FANCL: variants seen among roughly 807,000 people sequenced by gnomAD.
FANCL encodes the protein FA complementation group L.
A neutral mutation model predicts 59.4 loss-of-function variants in FANCL; 69 were observed. The ratio of observed to expected loss-of-function variants is 1.16; its 90% CI spans 0.96 to 1.42. The LOEUF (loss-of-function observed/expected upper bound fraction) is 1.42. Ranked by LOEUF, FANCL falls within the 40% of genes most tolerant of loss-of-function variation. FANCL has a pLI of 0.00. For synonymous variants in FANCL, 180 were observed against 147.1 expected (o/e 1.22, Z -1.62); for missense variants, 519 against 447.2 (o/e 1.16, Z -1.45).
chr2:58,183,912 T>G (rs535032622), intron 7 of FANCL, among the ~76,000 whole-genome samples: 10 of 152,004 alleles, frequency 6.6e-5, no homozygotes, highest in Non-Finnish European at 1.2e-4. Context: ...ACAAGGTATT[T>G]GATCTTAAGC....
chr2:58,228,415 A>G (rs909533736), intron 3 of FANCL, among the ~76,000 whole-genome samples: 3 of 152,124 alleles, frequency 2.0e-5, no homozygotes, highest in Non-Finnish European at 4.4e-5. Flanking sequence ...TCTACATTGC[A>G]TTTTCCCCTT....
intron 11 of FANCL, among the ~76,000 whole-genome samples, chr2:58,162,032 T>C (rs1685262793): frequency 6.6e-6 from 1 of 151,934 alleles, no homozygotes; most frequent in South Asian, 2.1e-4. Context: ...AGAGATTCCA[T>C]TTTTGGCTGG....
chr2:58,217,665 T>C (rs991419389), intron 5 of FANCL, among the ~76,000 whole-genome samples: 1 of 151,968 alleles, frequency 6.6e-6, no homozygotes, highest in Non-Finnish European at 1.5e-5. Context: ...AATCTGTATG[T>C]ACCCAATAAC....
intron 5 of FANCL, among the ~76,000 whole-genome samples, chr2:58,217,207 TATATATATACACACAC>T (rs1408779527): frequency 0.05 from 520 of 10,466 alleles, 3 homozygotes; most frequent in South Asian, 0.067. Context: ...TATATATATA[TATATATATACACACAC>T]ACACACACAC....
chr2:58,241,350 C>A, upstream of FANCL: 1 of 1,594,714 alleles, frequency 6.3e-7, no homozygotes, highest in East Asian at 2.2e-5. Flanking sequence ...AAGCTCTAGA[C>A]CTGCTGGGTC....
chr2:58,226,407 T>C (rs1378887057), intron 4 of FANCL, among the ~76,000 whole-genome samples: 1 of 152,176 alleles, frequency 6.6e-6, no homozygotes, highest in Non-Finnish European at 1.5e-5. Context: ...TATCTTTAAG[T>C]AGGACTACCT....
At chr2:58,185,100 T>G (rs1688276644) in intron 7 of FANCL, among the ~76,000 whole-genome samples, 1 of 152,044 alleles carries the variant, frequency 6.6e-6, no homozygotes, top group Non-Finnish European at 1.5e-5. Flanking sequence ...AGAAGCTAAG[T>G]TTAACAGGGA....
intron 5 of FANCL, among the ~76,000 whole-genome samples, chr2:58,211,473 G>T (rs1691153279): frequency 6.6e-6 from 1 of 152,148 alleles, no homozygotes; most frequent in African/African-American, 2.4e-5. Flanking sequence ...GCATGCCCTG[G>T]AGACATTTTC....
intron 4 of FANCL, among the ~76,000 whole-genome samples, 155 bp from the exon 5 acceptor site, chr2:58,222,197 A>G (rs1456420717): frequency 6.6e-6 from 1 of 152,100 alleles, no homozygotes; most frequent in Non-Finnish European, 1.5e-5. Flanking sequence ...CCTGCTCATG[A>G]AAAAGAGACA....
Position 58,229,891 on chromosome 2 carries a change from A to G in FANCL, c.156-17T>C. The G allele has an allele frequency of 1.3e-6, 2 of 1,572,950 alleles. No homozygotes were observed. The highest frequency in any genetic ancestry group is 1.8e-6 in the Non-Finnish European group (2 of 1,142,826). On this transcript the variant is annotated splice_polypyrimidine_tract_variant and intron_variant, in intron 2 of 13. Transcript: ENST00000233741. ...CATAATAATCTAAAATTTTAATGAG[A>G]CAAAATGGTTTATTCATTGTTCAGA...
chr2:58,188,967 T>A (rs944782972), intron 7 of FANCL, among the ~76,000 whole-genome samples: 6 of 152,092 alleles, frequency 3.9e-5, no homozygotes, highest in African/African-American at 1.4e-4. Context: ...CATGGTTGAA[T>A]CTCCAAGTAA....
At chr2:58,220,799 T>TG (rs1207595204) in intron 5 of FANCL, among the ~76,000 whole-genome samples, 1 of 152,132 alleles carries the variant, frequency 6.6e-6, no homozygotes, top group Non-Finnish European at 1.5e-5. Context: ...AACTTAGTGG[T>TG]GAAAAATTGC....
chr2:58,219,900 C>A (rs911824927), intron 5 of FANCL, among the ~76,000 whole-genome samples: 2 of 152,234 alleles, frequency 1.3e-5, no homozygotes, highest in South Asian at 4.1e-4. Context: ...TATTATCATA[C>A]AATGGAAGAC....
chr2:58,179,702 A>C (rs1033985727), intron 7 of FANCL, among the ~76,000 whole-genome samples: 9 of 152,178 alleles, frequency 5.9e-5, no homozygotes, highest in African/African-American at 1.9e-4. Context: ...AAAACACCAA[A>C]AGCAATGGCA....
chr2:58,163,624 C>A, intron 8 of FANCL, 107 bp from the exon 9 acceptor site: 1 of 700,026 alleles, frequency 1.4e-6, no homozygotes. Context: ...TGTATACCCA[C>A]GGAAAGATTA....
chr2:58,221,400 C>T (rs1414005180), intron 5 of FANCL, among the ~76,000 whole-genome samples: 3 of 151,870 alleles, frequency 2.0e-5, no homozygotes, highest in Non-Finnish European at 1.5e-5. Context: ...CTTGCATACA[C>T]GTTTACTGAA....
At chr2:58,186,794 A>C (rs1413689559) in intron 7 of FANCL, among the ~76,000 whole-genome samples, 1 of 152,212 alleles carries the variant, frequency 6.6e-6, no homozygotes, top group East Asian at 1.9e-4. Context: ...TTTTGTCAAC[A>C]TACACCACCA....
In FANCL at chr2:58,165,806, A is replaced by G; in HGVS notation, c.609T>C (p.Val203=). The G allele has an allele frequency of 6.2e-7, 1 of 1,614,148 alleles. No homozygotes were observed. Among genetic ancestry groups the G allele is most frequent in the Non-Finnish European group, 8.5e-7 (1 of 1,179,992 alleles). The change falls in exon 8 of 14, where the codon GTT becomes GTC. Residue 203 remains valine (V), a synonymous_variant. Transcript: ENST00000233741. Reference sequence around the variant, plus strand: ...AGGTCTTCTCATCGATTTCATCCATAACATCCCAGAATGCCTTTAGTGATT... The same window carrying G: ...AGGTCTTCTCATCGATTTCATCCATGACATCCCAGAATGCCTTTAGTGATT... ...AIESLKAFWD[V]MDEIDEKTWV...
chr2:58,165,968 G>A, intron 7 of FANCL, 94 bp from the exon 8 acceptor site: 1 of 1,318,730 alleles, frequency 7.6e-7, no homozygotes, highest in Non-Finnish European at 1.1e-6. Context: ...GAAATTTTAA[G>A]CTGTTTCATT....
Sources: allele counts gnomAD v4.1 joint callset (sites outside exome capture counted in the v4.1 genomes callset), GRCh38; gene constraint gnomAD v4.1.1; transcripts MANE v1.5; gene names NCBI Gene and HGNC (gene_info 2026-07-23, HGNC 2026-07-21).